The following ASTN2 variants were observed in gnomAD, a reference collection of about 807,000 sequenced individuals.
ASTN2 encodes astrotactin 2, also known as astrotactin-2.
A neutral mutation model predicts 139.8 loss-of-function variants in ASTN2; 54 were observed. The observed-to-expected ratio is 0.39, with a 90% CI of 0.31 to 0.48. The LOEUF (loss-of-function observed/expected upper bound fraction) is 0.48. Ranked by LOEUF, ASTN2 falls within the 20% of genes least tolerant of loss-of-function variation. The pLI is 0.95. For missense variants in ASTN2, 1,565 were observed against 1,725.1 expected (o/e 0.91, Z 1.64); for synonymous variants, 756 against 719.5 (o/e 1.05, Z -0.81).
At chr9:116,625,128 G>A (rs1856378106) in intron 17 of ASTN2, among the ~76,000 whole-genome samples, 1 of 152,006 alleles carries the variant, frequency 6.6e-6, no homozygotes, top group African/African-American at 2.4e-5. Context: ...ACCTTATAAG[G>A]CATCTCAAAA....
Position 116,869,378 on chromosome 9 carries a change from C to T in ASTN2, c.1890-5645G>A, listed in dbSNP as rs1297460027. ...CACAGGGCACAGGGGAATGTGCTCACATTCGCATGGTAGGACAGAGCCAGG... is the reference window on the plus strand; with the variant it reads ...CACAGGGCACAGGGGAATGTGCTCATATTCGCATGGTAGGACAGAGCCAGG... On this transcript the variant is annotated intron_variant, in intron 10 of 22. Transcript: ENST00000313400. Among the ~76,000 whole-genome samples the T allele has an allele frequency of 2.0e-5, 3 of 152,134 alleles. No individual in the cohort carries two copies. The East Asian group carries it at 5.8e-4, about 29-fold the overall frequency.
intron 3 of ASTN2, among the ~76,000 whole-genome samples, chr9:117,152,877 C>A (rs1269681456): frequency 6.6e-6 from 1 of 152,144 alleles, no homozygotes; most frequent in Admixed American, 6.6e-5. Flanking sequence ...ATCACAATAA[C>A]ACTAATAACA....
intron 7 of ASTN2, among the ~76,000 whole-genome samples, chr9:117,004,198 T>G (rs1837290833): frequency 6.6e-6 from 1 of 152,056 alleles, no homozygotes; most frequent in Admixed American, 6.6e-5. Context: ...TGGCTAACTG[T>G]AGCCTCGACT....
At chr9:117,091,521 G>C (rs918886211) in intron 5 of ASTN2, among the ~76,000 whole-genome samples, 2 of 152,272 alleles carry the variant, frequency 1.3e-5, no homozygotes, top group African/African-American at 4.8e-5. Flanking sequence ...ATTAACTCAG[G>C]TATGGACAGC....
At chr9:116,803,379 G>A (rs1318207158) in intron 13 of ASTN2, among the ~76,000 whole-genome samples, 1 of 146,866 alleles carries the variant, frequency 6.8e-6, no homozygotes, top group African/African-American at 2.5e-5. Flanking sequence ...GCAGTGGCAT[G>A]ATCATAGCTC....
intron 4 of ASTN2, among the ~76,000 whole-genome samples, chr9:117,115,105 T>C (rs1320150092): frequency 6.6e-6 from 1 of 152,186 alleles, no homozygotes; most frequent in South Asian, 2.1e-4. Context: ...TTGTTGCTTT[T>C]AACCACAAAG....
chr9:116,500,161 T>A (rs1226133719), intron 19 of ASTN2, among the ~76,000 whole-genome samples: 1 of 152,180 alleles, frequency 6.6e-6, no homozygotes, highest in Non-Finnish European at 1.5e-5. Flanking sequence ...ATTAACCCTT[T>A]GACTCTACTA....
chr9:117,003,953 C>CGCGCGCGCGCGTGTGTGTGTGTGT (rs1218309835), intron 7 of ASTN2, among the ~76,000 whole-genome samples: 188 of 146,246 alleles, frequency 1.3e-3, no homozygotes, highest in African/African-American at 4.8e-3. Context: ...CGCGCGCGCG[C>CGCGCGCGCGCGTGTGTGTGTGTGT]GTGTGTGTGT....
At chr9:116,945,970 A>G (rs1835382582) in intron 10 of ASTN2, among the ~76,000 whole-genome samples, 2 of 152,236 alleles carry the variant, frequency 1.3e-5, no homozygotes, top group Non-Finnish European at 2.9e-5. Flanking sequence ...TGCAAAAGGC[A>G]AAGGGGAAGC....
intron 5 of ASTN2, among the ~76,000 whole-genome samples, chr9:117,052,508 T>C (rs1838944078): frequency 6.6e-6 from 1 of 151,400 alleles, no homozygotes; most frequent in Non-Finnish European, 1.5e-5. Context: ...AGAAGCTCAG[T>C]GAATAGTAAA....
At chr9:117,292,615 G>C (rs914263420) in intron 1 of ASTN2, among the ~76,000 whole-genome samples, 3 of 152,076 alleles carry the variant, frequency 2.0e-5, no homozygotes, top group African/African-American at 7.2e-5. Context: ...GGTGCTAGAG[G>C]CTTAGAACCT....
intron 6 of ASTN2, among the ~76,000 whole-genome samples, chr9:117,033,770 A>G (rs1838311096): frequency 6.6e-6 from 1 of 152,100 alleles, no homozygotes; most frequent in Non-Finnish European, 1.5e-5. Context: ...CTATGTGTTA[A>G]TCTCGTAAAA....
chr9:116,572,675 A>G (rs949700214), intron 19 of ASTN2, among the ~76,000 whole-genome samples: 2 of 152,158 alleles, frequency 1.3e-5, no homozygotes, highest in African/African-American at 4.8e-5. Flanking sequence ...GCTATTCCCA[A>G]TTTATGTTTG....
At chr9:117,281,213 A>G (rs16934450) in intron 2 of ASTN2, among the ~76,000 whole-genome samples, 7,650 of 152,254 alleles carry the variant, frequency 0.05, 682 homozygotes, top group African/African-American at 0.18. Context: ...TGAGCCTTTT[A>G]TCACTTATTC....
intron 11 of ASTN2, among the ~76,000 whole-genome samples, chr9:116,852,878 TACACACACACACACAC>T (rs3040211): frequency 6.7e-5 from 9 of 134,270 alleles, no homozygotes; most frequent in Non-Finnish European, 9.3e-5. Context: ...AAGGGGAAAA[TACACACACACACACAC>T]ACACACACAC....
chr9:117,327,934 G>C (rs1239331807), intron 1 of ASTN2, among the ~76,000 whole-genome samples: 1 of 152,210 alleles, frequency 6.6e-6, no homozygotes, highest in Non-Finnish European at 1.5e-5. Flanking sequence ...TTGGCGTCTA[G>C]TAAGTGCTCA....
At chr9:117,236,110 A>T (rs1833037225) in intron 2 of ASTN2, among the ~76,000 whole-genome samples, 1 of 152,192 alleles carries the variant, frequency 6.6e-6, no homozygotes, top group Admixed American at 6.5e-5. Flanking sequence ...TATACTCACC[A>T]GAAAACTGAG....
At chr9:116,956,743 G>T (rs115331633) in intron 10 of ASTN2, among the ~76,000 whole-genome samples, 1 of 151,770 alleles carries the variant, frequency 6.6e-6, no homozygotes, top group Non-Finnish European at 1.5e-5. Context: ...CACAGTATGG[G>T]GTCAACGTAT....
chr9:116,635,527 T>C (rs1857033193), intron 17 of ASTN2, among the ~76,000 whole-genome samples: 1 of 152,206 alleles, frequency 6.6e-6, no homozygotes. Context: ...TATCTATACC[T>C]ATATATTCTC....
Sources: allele counts gnomAD v4.1 joint callset (sites outside exome capture counted in the v4.1 genomes callset), GRCh38; gene constraint gnomAD v4.1.1; transcripts MANE v1.5; gene names NCBI Gene and HGNC (gene_info 2026-07-23, HGNC 2026-07-21).